Variants in ENTPD7 observed in about 807,000 individuals in gnomAD.
The protein encoded by ENTPD7 is NTPDase 7.
In ENTPD7, 53 loss-of-function variants were observed where a neutral mutation model predicts 77.9. The observed-to-expected ratio is 0.68, with a 90% confidence interval of 0.55 to 0.85. The LOEUF is 0.85. ENTPD7 is among the 40% of genes least tolerant of loss of function. ENTPD7 has a pLI of 0.00. For synonymous variants in ENTPD7, 248 were observed against 274.9 expected, an observed-to-expected ratio of 0.90 and a Z score of 0.97; for missense variants, 636 against 743.7, an observed-to-expected ratio of 0.86 and a Z score of 1.68.
chr10:99,667,929 CTTTT>C (rs61543336), intron 3 of ENTPD7, among the ~76,000 whole-genome samples: 2 of 85,542 alleles, frequency 2.3e-5, no homozygotes, highest in Non-Finnish European at 2.1e-5. Context: ...AAATGATAAT[CTTTT>C]TTTTTTTTTT....
intron 3 of ENTPD7, among the ~76,000 whole-genome samples, chr10:99,675,104 G>A (rs2035664313): frequency 6.6e-6 from 1 of 152,104 alleles, no homozygotes; most frequent in Non-Finnish European, 1.5e-5. Context: ...GAAAAACTAA[G>A]GTTTCAGACT....
At chr10:99,682,716 G>C (rs1024165609) in intron 5 of ENTPD7, among the ~76,000 whole-genome samples, 2 of 152,072 alleles carry the variant, frequency 1.3e-5, no homozygotes, top group Non-Finnish European at 2.9e-5. Context: ...ATTTTTATTT[G>C]ACATAGGTGA....
chr10:99,700,803 A>G (rs2036105558), intron 10 of ENTPD7, 170 bp from the exon 11 acceptor site: 1 of 668,576 alleles, frequency 1.5e-6, no homozygotes, highest in South Asian at 1.8e-5. Context: ...GGATGACGGG[A>G]ATAAACAGGG....
At chr10:99,698,936 G>A in intron 10 of ENTPD7, 78 bp downstream of exon 10, 1 of 1,349,562 alleles carries the variant, frequency 7.4e-7, no homozygotes, top group Non-Finnish European at 1.0e-6. Flanking sequence ...CAGGTGCTGT[G>A]CAAAGGGCTT....
At chr10:99,662,696 G>T (rs1003450303) in intron 3 of ENTPD7, among the ~76,000 whole-genome samples, 1 of 152,056 alleles carries the variant, frequency 6.6e-6, no homozygotes, top group Non-Finnish European at 1.5e-5. Context: ...CAAATTGTTC[G>T]TTGGTATTCA....
At chr10:99,673,904 A>G (rs2035648553) in intron 3 of ENTPD7, among the ~76,000 whole-genome samples, 2 of 152,224 alleles carry the variant, frequency 1.3e-5, no homozygotes, top group Admixed American at 6.5e-5. Context: ...CTCTGTGACA[A>G]TATCAAGGTA....
chr10:99,680,442 T>C (rs2068041066), intron 5 of ENTPD7, among the ~76,000 whole-genome samples: 3 of 152,126 alleles, frequency 2.0e-5, no homozygotes, highest in African/African-American at 7.2e-5. Context: ...GCCAGACTCC[T>C]TGTTTGTGAT....
At chr10:99,684,313 A>C (rs1268892229) in intron 5 of ENTPD7, among the ~76,000 whole-genome samples, 1 of 152,168 alleles carries the variant, frequency 6.6e-6, no homozygotes, top group Non-Finnish European at 1.5e-5. Flanking sequence ...CACCCTCCCA[A>C]AGTGCTGGGA....
In ENTPD7 at chr10:99,709,551, T is replaced by C; in HGVS notation, c.*4868T>C. On this transcript the variant is annotated 3_prime_UTR_variant, in exon 13 of 13. Transcript: ENST00000370489. ...GGATTATTAGTCAATAATATTTTGA[T>C]TAATACTATAGAATAGCAACAGTGA... The C allele has an allele frequency of 1.0e-6, 1 of 982,842 alleles. No individual in the cohort carries two copies. The highest frequency in any genetic ancestry group is 1.2e-6 in the Non-Finnish European group (1 of 827,562). 60.9% of individuals were successfully genotyped at this position (982,842 alleles called of 1,614,324 possible).
At chr10:99,670,454 G>C (rs1429390898) in intron 3 of ENTPD7, among the ~76,000 whole-genome samples, 3 of 152,134 alleles carry the variant, frequency 2.0e-5, no homozygotes, top group Admixed American at 6.5e-5. Context: ...TTTTCATACA[G>C]TCGTGTGTTA....
chr10:99,674,475 C>T (rs2035656240), intron 3 of ENTPD7, among the ~76,000 whole-genome samples: 2 of 152,126 alleles, frequency 1.3e-5, no homozygotes, highest in Non-Finnish European at 2.9e-5. Context: ...CTCTCTCTTT[C>T]CAGCGAGCTG....
At chr10:99,692,031 C>CATTATGTACACCT (rs371784233) in intron 8 of ENTPD7, among the ~76,000 whole-genome samples, 1 of 152,230 alleles carries the variant, frequency 6.6e-6, no homozygotes, top group South Asian at 2.1e-4. Context: ...TTTGTACAGC[C>CATTATGTACACCT]ATTATGTACA....
intron 3 of ENTPD7, among the ~76,000 whole-genome samples, chr10:99,672,564 C>G (rs1021727308): frequency 2.0e-5 from 3 of 152,156 alleles, no homozygotes; most frequent in African/African-American, 7.2e-5. Flanking sequence ...CCTTGGCCTC[C>G]CAAAGTGCTG....
intron 12 of ENTPD7, among the ~76,000 whole-genome samples, chr10:99,703,785 G>A (rs1014095272): frequency 6.6e-6 from 1 of 152,138 alleles, no homozygotes; most frequent in Non-Finnish European, 1.5e-5. Context: ...GCAGTGCCGT[G>A]TTCATAGCTC....
chr10:99,665,049 G>C (rs1040836928), intron 3 of ENTPD7, among the ~76,000 whole-genome samples: 1 of 151,904 alleles, frequency 6.6e-6, no homozygotes, highest in African/African-American at 2.4e-5. Flanking sequence ...TCAAGAGTTC[G>C]AGACCAACCT....
chr10:99,693,054 CA>C (rs2035910136), intron 8 of ENTPD7, among the ~76,000 whole-genome samples: 2 of 152,006 alleles, frequency 1.3e-5, no homozygotes, highest in African/African-American at 4.8e-5. Flanking sequence ...AGTGAAAACC[CA>C]ATGTAATTGA....
intron 8 of ENTPD7, 104 bp from the exon 9 acceptor site, chr10:99,695,852 A>T: frequency 1.9e-6 from 2 of 1,063,812 alleles, no homozygotes; most frequent in Non-Finnish European, 2.7e-6. Context: ...AAGATGTTTT[A>T]AAGAGTAGTC....
intron 8 of ENTPD7, among the ~76,000 whole-genome samples, chr10:99,692,335 CA>C (rs2035895708): frequency 6.6e-6 from 1 of 152,196 alleles, no homozygotes; most frequent in East Asian, 1.9e-4. Flanking sequence ...CCAGTTGTGA[CA>C]ATCAAAAGTG....
chr10:99,690,482 A>AAT (rs2035866629), intron 7 of ENTPD7, among the ~76,000 whole-genome samples: 1 of 152,162 alleles, frequency 6.6e-6, no homozygotes, highest in East Asian at 1.9e-4. Flanking sequence ...TGTTATGCTG[A>AAT]ATCTTTGTTC....
Sources: allele counts gnomAD v4.1 joint callset (sites outside exome capture counted in the v4.1 genomes callset), GRCh38; gene constraint gnomAD v4.1.1; transcripts MANE v1.5; gene names NCBI Gene and HGNC (gene_info 2026-07-23, HGNC 2026-07-21).